PTPRD: variants seen among roughly 807,000 people sequenced by gnomAD.
PTPRD encodes protein tyrosine phosphatase receptor type D.
Under a neutral mutation model 214.5 loss-of-function variants are expected in PTPRD, and 34 were observed. The ratio of observed to expected loss-of-function variants is 0.16; its 90% CI spans 0.12 to 0.21. The LOEUF (loss-of-function observed/expected upper bound fraction) is 0.21. PTPRD is among the 10% of genes least tolerant of loss of function. PTPRD has a pLI of 1.00. For missense variants in PTPRD, 2,545 were observed against 2,398.7 expected, an observed-to-expected ratio of 1.06 and a Z score of -1.27; for synonymous variants, 1,128 against 845.7, an observed-to-expected ratio of 1.33 and a Z score of -5.79.
chr9:10,060,678 T>C (rs1813606943), intron 3 of PTPRD, among the ~76,000 whole-genome samples: 1 of 147,216 alleles, frequency 6.8e-6, no homozygotes, highest in South Asian at 2.1e-4. Flanking sequence ...TAATTTATCT[T>C]ATGTTTTATA....
chr9:9,689,452 T>C (rs922283444), intron 7 of PTPRD, among the ~76,000 whole-genome samples: 2 of 151,920 alleles, frequency 1.3e-5, no homozygotes, highest in African/African-American at 4.8e-5. Context: ...ATGTAATATA[T>C]CTATGATCTT....
chr9:8,919,155 G>A (rs1404382078), intron 11 of PTPRD, among the ~76,000 whole-genome samples: 1 of 152,114 alleles, frequency 6.6e-6, no homozygotes, highest in Non-Finnish European at 1.5e-5. Context: ...CACTTTAGGA[G>A]GCTAAGGTGG....
intron 12 of PTPRD, among the ~76,000 whole-genome samples, chr9:8,687,445 C>T (rs1349258880): frequency 6.6e-6 from 1 of 152,102 alleles, no homozygotes; most frequent in Non-Finnish European, 1.5e-5. Flanking sequence ...CAACACAAAC[C>T]GTATGTTCCA....
intron 9 of PTPRD, among the ~76,000 whole-genome samples, chr9:9,358,601 T>C (rs1033542291): frequency 6.6e-6 from 1 of 151,144 alleles, no homozygotes; most frequent in African/African-American, 2.4e-5. Context: ...ATGCCAATAG[T>C]CATAAAAGAA....
At position 10,128,663 on chromosome 9, in the gene PTPRD, T is replaced by C. The variant is rs1037468824; in HGVS notation, c.-544-94873A>G. On this transcript the variant is annotated intron_variant, in intron 3 of 45. Transcript: ENST00000381196. ...AAACTAATAGAATCCTTAAACACAC[T>C]AAGCACATTGCCATTTCAATGCCTG... Among the ~76,000 whole-genome samples, 6 of 152,154 alleles carry C rather than the reference T, an allele frequency of 3.9e-5. No individual in the cohort carries two copies. The South Asian group carries it at 1.2e-3, about 31-fold the overall frequency.
chr9:9,376,068 T>TA (rs201118606), intron 9 of PTPRD, among the ~76,000 whole-genome samples: 1 of 116,434 alleles, frequency 8.6e-6, no homozygotes, highest in Admixed American at 8.9e-5. Flanking sequence ...AATGAGAACT[T>TA]GCTCATCATT....
chr9:9,894,888 T>TC (rs1349351081), intron 5 of PTPRD, among the ~76,000 whole-genome samples: 11 of 152,148 alleles, frequency 7.2e-5, no homozygotes, highest in African/African-American at 2.4e-4. Flanking sequence ...TGATTTTAAC[T>TC]GTAAGAACAA....
intron 11 of PTPRD, among the ~76,000 whole-genome samples, chr9:8,890,909 G>A (rs1169240005): frequency 6.6e-6 from 1 of 152,150 alleles, no homozygotes; most frequent in Non-Finnish European, 1.5e-5. Flanking sequence ...AAGAGGAAAT[G>A]GGCAAAAGAG....
intron 5 of PTPRD, among the ~76,000 whole-genome samples, chr9:9,917,928 A>C (rs1365261025): frequency 6.6e-6 from 1 of 152,052 alleles, no homozygotes. Context: ...ATCTCAGCAT[A>C]ATGGAGGTCA....
chr9:9,004,137 C>T (rs1402725136), intron 11 of PTPRD, among the ~76,000 whole-genome samples: 1 of 151,932 alleles, frequency 6.6e-6, no homozygotes, highest in Non-Finnish European at 1.5e-5. Flanking sequence ...TTAAGGTAAA[C>T]AGCTTTTGTC....
At chr9:9,303,105 C>G (rs931654127) in intron 9 of PTPRD, among the ~76,000 whole-genome samples, 1 of 151,850 alleles carries the variant, frequency 6.6e-6, no homozygotes, top group Non-Finnish European at 1.5e-5. Context: ...AAAATTACCC[C>G]CCAAATCAAT....
intron 25 of PTPRD, among the ~76,000 whole-genome samples, chr9:8,498,810 T>C (rs965368732): frequency 6.6e-6 from 1 of 152,150 alleles, no homozygotes; most frequent in Non-Finnish European, 1.5e-5. Flanking sequence ...GGTTACAAGA[T>C]GAAATCTTCA....
At chr9:9,949,334 CT>C (rs2093183289) in intron 4 of PTPRD, among the ~76,000 whole-genome samples, 1 of 152,064 alleles carries the variant, frequency 6.6e-6, no homozygotes, top group Non-Finnish European at 1.5e-5. Flanking sequence ...CATTATAAGA[CT>C]TAAAAATTAT....
At chr9:8,708,429 T>G (rs1434946714) in intron 12 of PTPRD, among the ~76,000 whole-genome samples, 1 of 151,986 alleles carries the variant, frequency 6.6e-6, no homozygotes, top group Admixed American at 6.6e-5. Flanking sequence ...ATCCTAGCAC[T>G]TTGGGAGGCC....
At chr9:8,994,396 TA>T (rs1371819952) in intron 11 of PTPRD, among the ~76,000 whole-genome samples, 1 of 152,166 alleles carries the variant, frequency 6.6e-6, no homozygotes, top group East Asian at 1.9e-4. Flanking sequence ...TAGTAAGCAG[TA>T]CATGTCAATG....
chr9:10,612,596 T>C (rs1223089177), intron 1 of PTPRD, 91 bp from the exon 2 acceptor site: 4 of 152,444 alleles, frequency 2.6e-5, no homozygotes, highest in Non-Finnish European at 5.9e-5. Flanking sequence ...AAGTGGGATC[T>C]TCTTTTCCGG....
intron 9 of PTPRD, among the ~76,000 whole-genome samples, chr9:9,356,933 G>C (rs1394697773): frequency 2.0e-5 from 3 of 151,336 alleles, no homozygotes; most frequent in Non-Finnish European, 4.4e-5. Context: ...TTAACAAACA[G>C]AAAATTAGAG....
chr9:10,498,242 C>T (rs1338865680), intron 2 of PTPRD, among the ~76,000 whole-genome samples: 1 of 151,864 alleles, frequency 6.6e-6, no homozygotes, highest in Non-Finnish European at 1.5e-5. Context: ...AGTCTCAATA[C>T]ATTAAAATGA....
At chr9:9,934,583 A>G (rs1353246614) in intron 5 of PTPRD, among the ~76,000 whole-genome samples, 1 of 151,530 alleles carries the variant, frequency 6.6e-6, no homozygotes, top group East Asian at 1.9e-4. Flanking sequence ...GGCAATAATC[A>G]ATAGCTTACC....
Sources: gnomAD v4.1 joint callset for allele counts (sites outside exome capture counted in the v4.1 genomes callset) on GRCh38, gnomAD v4.1.1 for gene constraint, MANE v1.5 for transcripts, NCBI Gene and HGNC (gene_info 2026-07-23, HGNC 2026-07-21) for gene names.